Variants in ATP2C2 observed in about 807,000 individuals in gnomAD.
ATP2C2 encodes ATPase secretory pathway Ca2+ transporting 2, also known as calcium-transporting ATPase type 2C member 2.
A neutral mutation model predicts 110.8 loss-of-function variants in ATP2C2; 171 were observed. The ratio of observed to expected loss-of-function variants is 1.54; its 90% confidence interval spans 1.36 to 1.75. The LOEUF is 1.75. Among genes scored for constraint, ATP2C2 ranks in the 40% most tolerant of loss-of-function variants. ATP2C2 has a pLI of 0.00. For missense variants in ATP2C2, 1,963 were observed against 1,235.0 expected, an observed-to-expected ratio of 1.59 and a Z score of -8.84; for synonymous variants, 804 against 508.4, an observed-to-expected ratio of 1.58 and a Z score of -7.82.
At chr16:84,398,298 C>T (rs184053365) in intron 1 of ATP2C2, among the ~76,000 whole-genome samples, 162 of 151,918 alleles carry the variant, frequency 1.1e-3, no homozygotes, top group African/African-American at 2.8e-3. Flanking sequence ...CCCAGCTACT[C>T]GGGAGGCTGA....
intron 1 of ATP2C2, among the ~76,000 whole-genome samples, chr16:84,384,080 T>G (rs1443475810): frequency 1.3e-5 from 2 of 152,158 alleles, no homozygotes; most frequent in East Asian, 3.8e-4. Context: ...TCAGCCACTG[T>G]GCCCAGCCTA....
chr16:84,384,048 C>T (rs919079267), intron 1 of ATP2C2, among the ~76,000 whole-genome samples: 3 of 152,126 alleles, frequency 2.0e-5, no homozygotes, highest in African/African-American at 7.2e-5. Context: ...CTCAGCCTCC[C>T]AAAGTGCTGG....
intron 9 of ATP2C2, 70 bp from the exon 10 acceptor site, chr16:84,423,118 A>C: frequency 7.3e-7 from 1 of 1,362,312 alleles, no homozygotes; most frequent in Non-Finnish European, 1.0e-6. Flanking sequence ...GGCAAGGTGA[A>C]GACATTTTGA....
At chr16:84,407,821 T>A (rs946310515) in intron 3 of ATP2C2, among the ~76,000 whole-genome samples, 1 of 152,230 alleles carries the variant, frequency 6.6e-6, no homozygotes, top group Non-Finnish European at 1.5e-5. Context: ...GTCTGCCTTC[T>A]GAATCCGGTT....
chr16:84,390,114 T>A (rs777435118), intron 1 of ATP2C2, among the ~76,000 whole-genome samples: 4 of 152,238 alleles, frequency 2.6e-5, no homozygotes, highest in Admixed American at 6.5e-5. Flanking sequence ...AGGCACGGGC[T>A]AGGCTTTGGT....
At chr16:84,389,336 G>A (rs988509887) in intron 1 of ATP2C2, among the ~76,000 whole-genome samples, 20 of 152,192 alleles carry the variant, frequency 1.3e-4, no homozygotes, top group African/African-American at 4.3e-4. Context: ...ACTGGGGCCC[G>A]CCCATCTCCT....
At chr16:84,374,043 C>T (rs188288104) in intron 1 of ATP2C2, among the ~76,000 whole-genome samples, 36 of 152,310 alleles carry the variant, frequency 2.4e-4, no homozygotes, top group African/African-American at 7.9e-4. Flanking sequence ...CTGGCTCGTT[C>T]ACTTGAAGAT....
Position 84,451,775 on chromosome 16 carries a change from C to T in ATP2C2, c.1661-146C>T, listed in dbSNP as rs368844329. On this transcript the variant is annotated intron_variant, in intron 17 of 26. Coordinates refer to ENST00000262429, the MANE Select transcript of ATP2C2 (RefSeq NM_014861.4). ...ACGGTTTGAACCCAGGAGGCAGAGG[C>T]TGCAGTGAGCCAACATTACACCACT... 4.6e-5 allele frequency: 36 copies of T among 785,740 alleles called. No homozygotes were observed. The African/African-American group carries it at 4.7e-4, about 10-fold the overall frequency. 48.7% of individuals were successfully genotyped at this position (785,740 alleles called of 1,614,324 possible). A position where few individuals can be genotyped will look rare whatever the true frequency, so the allele number is the denominator to read the frequency against.
In ATP2C2 at chr16:84,459,338, T is replaced by C. The variant is rs1212517464; in HGVS notation, c.2285T>C (p.Met762Thr). The C allele has an allele frequency of 5.0e-6, 8 of 1,614,178 alleles. No homozygotes were observed. The highest frequency in any genetic ancestry group is 5.9e-6 in the Non-Finnish European group (7 of 1,180,028). Residue 762 changes from methionine to threonine, a missense_variant, in exon 23 of 27, where the codon ATG (methionine) becomes ACG (threonine). Physicochemically the swap from Met to Thr is moderately conservative, Grantham distance 81 (BLOSUM62 -1). Transcript: ENST00000262429. ...AACCTGCCCAGCCCCCTCAACGCCA[T>C]GCAGATCCTATGGATCAACATCATC... ...VFNLPSPLNA[M>T]QILWINIIMD...
At position 84,383,795 on chromosome 16, in the gene ATP2C2, T is replaced by G. The variant is rs1910733646; in HGVS notation, c.100-14704T>G. Among the ~76,000 whole-genome samples, 5 of 132,078 alleles carry G rather than the reference T, an allele frequency of 3.8e-5. 1 individual carries two copies. The highest frequency in any genetic ancestry group is 1.3e-4 in the African/African-American group (5 of 38,912). The allele number at this position is 132,078 out of a possible 152,430, so 86.6% of individuals were successfully genotyped here. A position where few individuals can be genotyped will look rare whatever the true frequency, so the allele number is the denominator to read the frequency against. ...GGGTGTTGGTTTTGTTGGTTTTTTTTTTTTTTTTTTTTTGAGACAGCGTCT... is the reference window on the plus strand; with the variant it reads ...GGGTGTTGGTTTTGTTGGTTTTTTTGTTTTTTTTTTTTTGAGACAGCGTCT... On this transcript the variant is annotated intron_variant, in intron 1 of 26. Transcript: ENST00000262429.
intron 9 of ATP2C2, 47 bp from the exon 10 acceptor site, chr16:84,423,141 A>C (rs763289392): frequency 5.9e-6 from 9 of 1,534,576 alleles, no homozygotes; most frequent in Non-Finnish European, 8.1e-6. Flanking sequence ...AAAGGCAGGC[A>C]GAAGCTAGGA....
intron 15 of ATP2C2, among the ~76,000 whole-genome samples, chr16:84,444,876 C>T (rs1909601695): frequency 6.6e-6 from 1 of 152,252 alleles, no homozygotes; most frequent in Non-Finnish European, 1.5e-5. Context: ...TGGTTCTTAC[C>T]TGTCTCACCT....
Position 84,439,216 on chromosome 16 carries a change from C to T in ATP2C2, c.1037C>T (p.Thr346Met), listed in dbSNP as rs765718239. The change falls in exon 12 of 27, where the codon ACG (threonine) becomes ATG (methionine). Residue 346 changes from threonine to methionine, a missense_variant. Thr to Met is a moderately conservative substitution (Grantham distance 81). Coordinates refer to ENST00000262429, the MANE Select transcript of ATP2C2 (RefSeq NM_014861.4). ...PEGLPIVVMV[T>M]LVLGVLRMAK... Reference sequence around the variant, plus strand: ...GGTCTGCCCATCGTCGTCATGGTGACGCTGGTCCTGGGAGTGCTGCGGATG... The same window carrying T: ...GGTCTGCCCATCGTCGTCATGGTGATGCTGGTCCTGGGAGTGCTGCGGATG... 9 of 1,612,136 alleles carry T rather than the reference C, an allele frequency of 5.6e-6. No homozygotes were observed. In the East Asian group the frequency reaches 6.7e-5, roughly 12 times the overall value.
rs201133834 is a variant in ATP2C2 at position 84,439,492 on chromosome 16, C to G, written c.1177C>G (p.Gln393Glu). Residue 393 changes from glutamine to glutamate, a missense_variant, in exon 13 of 27, where the codon CAG becomes GAG. By Grantham distance (29) the Gln-to-Glu change is conservative. Transcript: ENST00000262429. ...TLTANEMTVT[Q>E]LVTSDGLRAE... ...GACTGCCAATGAAATGACAGTGACC[C>G]AGCTTGTAACGTCAGATGGGCTTCG... is the stretch of plus-strand genomic sequence containing the variant. The G allele has an allele frequency of 6.4e-5, 103 of 1,614,022 alleles. No individual in the cohort carries two copies. The highest frequency in any genetic ancestry group is 7.1e-5 in the Non-Finnish European group (84 of 1,180,034).
At chr16:84,393,744 T>TG (rs1210151261) in intron 1 of ATP2C2, among the ~76,000 whole-genome samples, 45 of 51,870 alleles carry the variant, frequency 8.7e-4, no homozygotes, top group African/African-American at 3.2e-3. Context: ...GCTATGGGTG[T>TG]GGGGGGAGTG....
chr16:84,456,175 A>G (rs1294171599), intron 21 of ATP2C2, among the ~76,000 whole-genome samples: 2 of 121,678 alleles, frequency 1.6e-5, no homozygotes, highest in Admixed American at 9.1e-5. Flanking sequence ...CTCTTTTTCT[A>G]TTGATTGGAA....
intron 6 of ATP2C2, 163 bp downstream of exon 6, chr16:84,410,928 C>T (rs1906229077): frequency 1.5e-6 from 1 of 683,924 alleles, no homozygotes; most frequent in Admixed American, 2.2e-5. Context: ...CAATAGGTCG[C>T]TGTGTGTCCT....
At chr16:84,395,901 A>G (rs556853769) in intron 1 of ATP2C2, among the ~76,000 whole-genome samples, 15 of 152,240 alleles carry the variant, frequency 9.9e-5, no homozygotes, top group South Asian at 8.3e-4. Flanking sequence ...GTATATTCCC[A>G]TTGTTATGCA....
chr16:84,405,735 C>G (rs1489926761), intron 3 of ATP2C2, among the ~76,000 whole-genome samples: 1 of 152,266 alleles, frequency 6.6e-6, no homozygotes, highest in Middle Eastern at 3.4e-3. Flanking sequence ...GCCCGGCCAA[C>G]ATGGCGAAAC....
Sources: gnomAD v4.1 joint callset for allele counts (sites outside exome capture counted in the v4.1 genomes callset) on GRCh38, gnomAD v4.1.1 for gene constraint, MANE v1.5 for transcripts, NCBI Gene and HGNC (gene_info 2026-07-23, HGNC 2026-07-21) for gene names.